The following RNF182 variants were observed in gnomAD, a reference collection of about 807,000 sequenced individuals.
RNF182 encodes ring finger protein 182, also known as E3 ubiquitin-protein ligase RNF182.
Under a neutral mutation model 14.4 loss-of-function variants are expected in RNF182, and 15 were observed. That is an observed-to-expected ratio of 1.04 (90% CI 0.70 to 1.60). The LOEUF (loss-of-function observed/expected upper bound fraction) is 1.60. Among genes scored for constraint, RNF182 ranks in the 40% most tolerant of loss-of-function variants. The probability of loss-of-function intolerance (pLI) is 0.00; values close to 1 mark genes in which losing one functional copy is unlikely to be tolerated. For missense variants in RNF182, 268 were observed against 294.8 expected, an observed-to-expected ratio of 0.91 and a Z score of 0.67; for synonymous variants, 128 against 122.9, an observed-to-expected ratio of 1.04 and a Z score of -0.27.
intron 1 of RNF182, among the ~76,000 whole-genome samples, chr6:13,927,535 T>C (rs79973325): frequency 0.029 from 4,348 of 152,318 alleles, 203 homozygotes; most frequent in African/African-American, 0.098. Flanking sequence ...ACCATAGCTG[T>C]ATTCTACCTG....
chr6:13,928,797 T>C (rs1011644380), intron 1 of RNF182, among the ~76,000 whole-genome samples: 5 of 151,246 alleles, frequency 3.3e-5, no homozygotes, highest in African/African-American at 1.2e-4. Flanking sequence ...AGTTAAAAGG[T>C]GTTAAAGAGA....
At chr6:13,951,545 G>T (rs1466369409) in intron 1 of RNF182, among the ~76,000 whole-genome samples, 6 of 152,172 alleles carry the variant, frequency 3.9e-5, no homozygotes, top group Non-Finnish European at 8.8e-5. Flanking sequence ...GTCCCTAAAA[G>T]TATATGTCCT....
intron 1 of RNF182, among the ~76,000 whole-genome samples, chr6:13,954,086 A>G (rs1261856480): frequency 6.6e-6 from 1 of 152,120 alleles, no homozygotes; most frequent in African/African-American, 2.4e-5. Context: ...TTTACTTATC[A>G]CTCAGCCTCA....
chr6:13,933,073 C>T (rs1759012497), intron 1 of RNF182, among the ~76,000 whole-genome samples: 1 of 152,164 alleles, frequency 6.6e-6, no homozygotes, highest in Non-Finnish European at 1.5e-5. Flanking sequence ...CTGGATGGCA[C>T]ACATTCTGGA....
At position 13,977,806 on chromosome 6, in the gene RNF182, T is replaced by C. The variant is rs1760377915; in HGVS notation, c.687T>C (p.Tyr229=). The C allele has an allele frequency of 1.2e-5, 19 of 1,614,194 alleles. No homozygotes were observed. Among genetic ancestry groups the C allele is most frequent in the Non-Finnish European group, 1.5e-5 (18 of 1,180,014 alleles). ...VPSSLVILMV[Y]GFCQCVCHEF... is the part of the protein sequence containing the mutation. ...CGAGCCTCGTTATTCTTATGGTGTA[T>C]GGTTTTTGCCAGTGTGTTTGTCATG... The change falls in exon 3 of 3, where the codon TAT becomes TAC. Residue 229 remains tyrosine (Y), a synonymous_variant. Transcript: ENST00000488300.
At chr6:13,961,835 G>C (rs1282885763) in intron 1 of RNF182, among the ~76,000 whole-genome samples, 1 of 152,124 alleles carries the variant, frequency 6.6e-6, no homozygotes, top group East Asian at 1.9e-4. Flanking sequence ...TCCTTATGCT[G>C]CCAAACAACC....
intron 1 of RNF182, among the ~76,000 whole-genome samples, chr6:13,946,867 GGGA>G (rs1268198947): frequency 6.6e-6 from 1 of 152,136 alleles, no homozygotes; most frequent in Admixed American, 6.5e-5. Flanking sequence ...ATTTAGAGTT[GGGA>G]GGAGTTTAGT....
chr6:13,965,544 TTAAGAA>T (rs1760002472), intron 1 of RNF182, among the ~76,000 whole-genome samples: 1 of 152,308 alleles, frequency 6.6e-6, no homozygotes, highest in Admixed American at 6.5e-5. Flanking sequence ...GAACTATATA[TTAAGAA>T]TAAGAGGCAA....
intron 1 of RNF182, among the ~76,000 whole-genome samples, chr6:13,940,500 TC>T (rs1041397928): frequency 2.0e-5 from 3 of 152,102 alleles, no homozygotes; most frequent in Admixed American, 6.6e-5. Context: ...GTGCCTTTTT[TC>T]CCCCCTTGAT....
intron 1 of RNF182, among the ~76,000 whole-genome samples, chr6:13,950,254 C>A (rs746865928): frequency 8.5e-5 from 13 of 152,156 alleles, no homozygotes; most frequent in Non-Finnish European, 1.9e-4. Flanking sequence ...AAGGACAGAG[C>A]TGTAAAGTCT....
rs1298594289 is a variant in RNF182, at chr6:13,924,983, C to G, written c.-407C>G. ...CTCCCTCCCCTCCCAGGCGCCGCCG[C>G]AGCCGGAGCGGCTCCCGGGCCCTGG... On this transcript the variant is annotated 5_prime_UTR_variant, in exon 1 of 3. Coordinates refer to ENST00000488300, the MANE Select transcript of RNF182 (RefSeq NM_152737.4). 6.8e-5 allele frequency: 1 copy of G among 14,710 alleles called. No individual in the cohort carries two copies. The highest frequency in any genetic ancestry group is 2.9e-3 in the East Asian group (1 of 348). The allele number at this position is 14,710 out of a possible 1,614,324, so 0.9% of individuals were successfully genotyped here. A position where few individuals can be genotyped will look rare whatever the true frequency, so the allele number is the denominator to read the frequency against.
intron 1 of RNF182, chr6:13,949,498 GA>G: frequency 8.8e-6 from 5 of 571,220 alleles, no homozygotes; most frequent in South Asian, 4.3e-5. Flanking sequence ...AAAAATTACG[GA>G]AAAAGACACT....
intron 1 of RNF182, among the ~76,000 whole-genome samples, chr6:13,940,077 G>A (rs1445514452): frequency 6.6e-6 from 1 of 152,104 alleles, no homozygotes; most frequent in Non-Finnish European, 1.5e-5. Flanking sequence ...GTGATAGCAT[G>A]TACTTTGTCT....
At chr6:13,931,249 T>C (rs1180498204) in intron 1 of RNF182, among the ~76,000 whole-genome samples, 1 of 152,218 alleles carries the variant, frequency 6.6e-6, no homozygotes, top group Non-Finnish European at 1.5e-5. Flanking sequence ...ATTTGTGTTT[T>C]GTTTTATACT....
intron 1 of RNF182, among the ~76,000 whole-genome samples, chr6:13,941,133 G>C (rs1759288811): frequency 6.6e-6 from 1 of 151,988 alleles, no homozygotes; most frequent in African/African-American, 2.4e-5. Context: ...TTTTCAGTCT[G>C]CTTGTTCTGT....
chr6:13,936,077 A>G (rs1393953319), intron 1 of RNF182, among the ~76,000 whole-genome samples: 1 of 152,206 alleles, frequency 6.6e-6, no homozygotes, highest in African/African-American at 2.4e-5. Flanking sequence ...GGTGGCACAC[A>G]CTTTCAAAGA....
At chr6:13,933,712 A>T (rs929027315) in intron 1 of RNF182, among the ~76,000 whole-genome samples, 5 of 152,094 alleles carry the variant, frequency 3.3e-5, no homozygotes, top group African/African-American at 1.2e-4. Flanking sequence ...AATTTGGAGG[A>T]TATATTTTCA....
In RNF182 at chr6:13,977,175, A is replaced by G; in HGVS notation, c.56A>G (p.Glu19Gly). Residue 19 changes from glutamate to glycine, a missense_variant, in exon 3 of 3, where the codon GAG becomes GGG. Glu to Gly is a moderately conservative substitution (Grantham distance 98). Transcript: ENST00000488300. ...TAESQASDEL[E>G]CKICYNRYNL... is the part of the protein sequence containing the mutation. ...GAGTCTCAGGCCTCTGATGAGCTGGAGTGCAAAATCTGTTACAATCGATAC... is the reference window on the plus strand; with the variant it reads ...GAGTCTCAGGCCTCTGATGAGCTGGGGTGCAAAATCTGTTACAATCGATAC... 2 of 1,614,136 alleles carry G rather than the reference A, an allele frequency of 1.2e-6. No homozygotes were observed. The highest frequency in any genetic ancestry group is 1.7e-6 in the Non-Finnish European group (2 of 1,179,998).
intron 1 of RNF182, among the ~76,000 whole-genome samples, chr6:13,947,351 A>G (rs1474212559): frequency 6.6e-6 from 1 of 152,216 alleles, no homozygotes; most frequent in African/African-American, 2.4e-5. Context: ...CCCTATTTTT[A>G]TTTAAACAAA....
Sources: allele counts gnomAD v4.1 joint callset (sites outside exome capture counted in the v4.1 genomes callset), GRCh38; gene constraint gnomAD v4.1.1; transcripts MANE v1.5; gene names NCBI Gene and HGNC (gene_info 2026-07-23, HGNC 2026-07-21).